The following PLPP4 variants were observed in gnomAD, a reference collection of about 807,000 sequenced individuals.
The protein encoded by PLPP4 is phospholipid phosphatase 4.
Under a neutral mutation model 32.2 loss-of-function variants are expected in PLPP4, and 20 were observed. The ratio of observed to expected loss-of-function variants is 0.62; its 90% CI spans 0.44 to 0.90. The LOEUF is 0.90. Among genes scored for constraint, PLPP4 ranks in the 40% least tolerant of loss-of-function variants. PLPP4 has a pLI of 0.00. For missense variants in PLPP4, 257 were observed against 353.1 expected, an observed-to-expected ratio of 0.73 and a Z score of 2.18; for synonymous variants, 127 against 133.0, an observed-to-expected ratio of 0.95 and a Z score of 0.31.
intron 5 of PLPP4, among the ~76,000 whole-genome samples, chr10:120,527,145 T>A (rs1846434032): frequency 6.6e-6 from 1 of 152,236 alleles, no homozygotes; most frequent in Admixed American, 6.5e-5. Flanking sequence ...CAGTCATGTA[T>A]CTATCTTAGC....
intron 1 of PLPP4, among the ~76,000 whole-genome samples, chr10:120,500,998 T>C (rs1845223834): frequency 6.6e-6 from 1 of 151,738 alleles, no homozygotes; most frequent in Admixed American, 6.6e-5. Context: ...GAAGTTGAGG[T>C]AAGAGGGGAG....
intron 2 of PLPP4, among the ~76,000 whole-genome samples, chr10:120,504,650 A>G (rs1047887230): frequency 2.0e-5 from 3 of 152,218 alleles, no homozygotes; most frequent in Admixed American, 6.5e-5. Context: ...GAACTTTTCT[A>G]CTTTCTACAA....
intron 5 of PLPP4, among the ~76,000 whole-genome samples, chr10:120,563,762 T>TGCAGTCC (rs373850029): frequency 0.13 from 13,110 of 103,294 alleles, 1,184 homozygotes; most frequent in Non-Finnish European, 0.17. Flanking sequence ...ATTGCGCCAC[T>TGCAGTCC]GCAGTCCGCA....
At chr10:120,541,554 T>C (rs1046991544) in intron 5 of PLPP4, among the ~76,000 whole-genome samples, 1 of 152,226 alleles carries the variant, frequency 6.6e-6, no homozygotes, top group Admixed American at 6.5e-5. Context: ...ATGTCCTCCA[T>C]GGCATGTGTT....
chr10:120,545,495 G>C (rs959700537), intron 5 of PLPP4, among the ~76,000 whole-genome samples: 1 of 152,152 alleles, frequency 6.6e-6, no homozygotes, highest in African/African-American at 2.4e-5. Flanking sequence ...CCAGAAAAGG[G>C]CTTTGGCTCT....
At chr10:120,475,551 C>G (rs1221235213) in intron 1 of PLPP4, among the ~76,000 whole-genome samples, 1 of 152,188 alleles carries the variant, frequency 6.6e-6, no homozygotes, top group Admixed American at 6.5e-5. Context: ...CCTGGCAGTT[C>G]CCTTCTGTGT....
intron 2 of PLPP4, among the ~76,000 whole-genome samples, chr10:120,505,984 T>G (rs1314849244): frequency 6.6e-6 from 1 of 152,246 alleles, no homozygotes; most frequent in Non-Finnish European, 1.5e-5. Context: ...TGTGGCTGTG[T>G]CCTAGATTTA....
chr10:120,539,965 C>G (rs1224627696), intron 5 of PLPP4, among the ~76,000 whole-genome samples: 2 of 151,362 alleles, frequency 1.3e-5, no homozygotes, highest in Non-Finnish European at 2.9e-5. Flanking sequence ...AGCTGAGCCT[C>G]CCTCCACAGA....
chr10:120,538,052 C>CTCTCTGTG (rs1847142984), intron 5 of PLPP4, among the ~76,000 whole-genome samples: 2 of 18,992 alleles, frequency 1.1e-4, no homozygotes, highest in Non-Finnish European at 1.9e-4. Context: ...CTCTCTCTCT[C>CTCTCTGTG]TGTGTGTGTG....
chr10:120,543,026 C>T lies in PLPP4; in HGVS notation c.445+21931C>T, dbSNP rs1022160958. ...ATGAAGAACGTGGTAATGTGTGTAG[C>T]CTGACACCCATCCCCAGGACGGTGG... On this transcript the variant is annotated intron_variant, in intron 5 of 6. Coordinates refer to ENST00000398250, the MANE Select transcript of PLPP4 (RefSeq NM_001030059.3). Among the ~76,000 whole-genome samples, 11 of 152,278 alleles carry T rather than the reference C, an allele frequency of 7.2e-5. No individual in the cohort carries two copies. The East Asian group carries it at 1.9e-3, about 27-fold the overall frequency.
chr10:120,547,585 A>G (rs935577856), intron 5 of PLPP4, among the ~76,000 whole-genome samples: 4 of 152,186 alleles, frequency 2.6e-5, no homozygotes, highest in African/African-American at 9.7e-5. Flanking sequence ...TTTATTCAGT[A>G]CAATGTGAAA....
intron 5 of PLPP4, among the ~76,000 whole-genome samples, chr10:120,569,791 T>C (rs930210512): frequency 2.6e-5 from 4 of 152,214 alleles, no homozygotes; most frequent in Non-Finnish European, 5.9e-5. Flanking sequence ...ATATTTTCAT[T>C]TGGGCATTAC....
At chr10:120,545,671 A>G (rs535600910) in intron 5 of PLPP4, among the ~76,000 whole-genome samples, 2 of 152,322 alleles carry the variant, frequency 1.3e-5, no homozygotes, top group Non-Finnish European at 2.9e-5. Flanking sequence ...GGAAGTGGCA[A>G]TGCAGCTTAA....
intron 1 of PLPP4, among the ~76,000 whole-genome samples, chr10:120,459,820 G>A (rs2133765786): frequency 6.6e-6 from 1 of 152,300 alleles, no homozygotes. Flanking sequence ...CATTTGCTCT[G>A]CATGAGAGCA....
chr10:120,557,719 G>A (rs374470035), intron 5 of PLPP4, among the ~76,000 whole-genome samples: 2 of 152,310 alleles, frequency 1.3e-5, no homozygotes, highest in East Asian at 1.9e-4. Context: ...GGCATGTGTA[G>A]CGTATGCCCT....
At chr10:120,522,084 A>G (rs1014337770) in intron 5 of PLPP4, among the ~76,000 whole-genome samples, 6 of 152,148 alleles carry the variant, frequency 3.9e-5, no homozygotes, top group Middle Eastern at 3.2e-3. Flanking sequence ...TCCTGGGATA[A>G]TTGGAGAACT....
intron 1 of PLPP4, among the ~76,000 whole-genome samples, chr10:120,458,819 A>G (rs992938120): frequency 2.6e-5 from 4 of 152,222 alleles, no homozygotes; most frequent in African/African-American, 7.2e-5. Context: ...GACAGTTTCT[A>G]ATTGGCAGAT....
At chr10:120,560,068 G>C (rs1339746678) in intron 5 of PLPP4, among the ~76,000 whole-genome samples, 1 of 152,192 alleles carries the variant, frequency 6.6e-6, no homozygotes, top group Admixed American at 6.5e-5. Flanking sequence ...CCACGAAATT[G>C]GCGGTGGGCC....
At chr10:120,552,165 G>GGGGTGTGTGT (rs370982803) in intron 5 of PLPP4, among the ~76,000 whole-genome samples, 4 of 138,544 alleles carry the variant, frequency 2.9e-5, no homozygotes, top group Admixed American at 1.5e-4. Context: ...GTGGTGGTGG[G>GGGGTGTGTGT]GTGTGTGTGT....
Sources: allele counts gnomAD v4.1 joint callset (sites outside exome capture counted in the v4.1 genomes callset), GRCh38; gene constraint gnomAD v4.1.1; transcripts MANE v1.5; gene names NCBI Gene and HGNC (gene_info 2026-07-23, HGNC 2026-07-21).